The following ATP8B1 variants were observed in gnomAD, a reference collection of about 807,000 sequenced individuals.
ATP8B1 encodes the protein phospholipid-transporting ATPase IC.
ATP8B1 carries 80 observed loss-of-function variants against 149.9 expected under a neutral mutation model. That is an observed-to-expected ratio of 0.53 (90% CI 0.45 to 0.64). The LOEUF is 0.64. Among genes scored for constraint, ATP8B1 ranks in the 30% least tolerant of loss-of-function variants. ATP8B1 has a pLI of 0.00. For synonymous variants in ATP8B1, 536 were observed against 562.8 expected, an observed-to-expected ratio of 0.95 and a Z score of 0.67; for missense variants, 1,247 against 1,552.6, an observed-to-expected ratio of 0.80 and a Z score of 3.31.
chr18:57,707,886 G>A (rs1375468722), intron 2 of ATP8B1, among the ~76,000 whole-genome samples: 2 of 151,660 alleles, frequency 1.3e-5, no homozygotes, highest in Non-Finnish European at 2.9e-5. Context: ...GCCGAGCATG[G>A]TGGCTCATGC....
intron 7 of ATP8B1, 21 bp downstream of exon 7, chr18:57,697,774 A>G: frequency 6.2e-7 from 1 of 1,613,154 alleles, no homozygotes; most frequent in Non-Finnish European, 8.5e-7. Context: ...GGAACAAGAG[A>G]AGCAGAATTT....
chr18:57,695,624 A>C, intron 8 of ATP8B1, 92 bp from the exon 9 acceptor site: 1 of 930,530 alleles, frequency 1.1e-6, no homozygotes, highest in Non-Finnish European at 1.7e-6. Flanking sequence ...CCATACCTGG[A>C]CATGAAGCCT....
chr18:57,749,954 G>A (rs74562772), intron 1 of ATP8B1, among the ~76,000 whole-genome samples: 113 of 152,272 alleles, frequency 7.4e-4, no homozygotes, highest in African/African-American at 2.6e-3. Flanking sequence ...ATAAACTAGG[G>A]GTTTAGTGCC....
chr18:57,678,585 T>A (rs1246958375), intron 15 of ATP8B1, among the ~76,000 whole-genome samples: 1 of 109,360 alleles, frequency 9.1e-6, no homozygotes, highest in African/African-American at 3.1e-5. Flanking sequence ...AGATTCTATC[T>A]CAAAAAAAAA....
intron 15 of ATP8B1, among the ~76,000 whole-genome samples, chr18:57,683,286 T>G (rs563003835): frequency 1.3e-5 from 2 of 152,306 alleles, no homozygotes; most frequent in Non-Finnish European, 2.9e-5. Flanking sequence ...GGGAATGAAG[T>G]GAAGGCAGAC....
At chr18:57,748,129 C>T (rs1034390306) in intron 1 of ATP8B1, among the ~76,000 whole-genome samples, 2 of 152,180 alleles carry the variant, frequency 1.3e-5, no homozygotes, top group East Asian at 3.8e-4. Flanking sequence ...GCTTCTGAAA[C>T]TCCCCATGTT....
At chr18:57,753,931 C>CAAAAAA (rs1218057370) in intron 1 of ATP8B1, among the ~76,000 whole-genome samples, 2 of 70,996 alleles carry the variant, frequency 2.8e-5, no homozygotes, top group African/African-American at 6.0e-5. Flanking sequence ...GACTCTGTCT[C>CAAAAAA]AAAAAAAAAA....
intron 21 of ATP8B1, 99 bp from the exon 22 acceptor site, chr18:57,661,561 A>G (rs1268269742): frequency 2.4e-6 from 3 of 1,276,412 alleles, no homozygotes; most frequent in Non-Finnish European, 3.3e-6. Flanking sequence ...TTTTTGGATT[A>G]TGTCACTGAT....
chr18:57,672,925 T>TAC (rs1911329743), intron 16 of ATP8B1, among the ~76,000 whole-genome samples: 1 of 46,052 alleles, frequency 2.2e-5, no homozygotes, highest in Admixed American at 3.6e-4. Context: ...TATATATATA[T>TAC]ATATATAACA....
At chr18:57,736,453 GTTTTTT>G (rs71171079) in intron 1 of ATP8B1, among the ~76,000 whole-genome samples, 2 of 70,132 alleles carry the variant, frequency 2.9e-5, no homozygotes, top group Non-Finnish European at 5.3e-5. Context: ...AGTTTTACTA[GTTTTTT>G]TTTTTTTTTT....
chr18:57,714,822 A>T (rs972204431), intron 2 of ATP8B1, among the ~76,000 whole-genome samples: 2 of 152,198 alleles, frequency 1.3e-5, no homozygotes, highest in Admixed American at 6.5e-5. Flanking sequence ...CCCAAGAAGG[A>T]TGGGTATAAA....
At position 57,671,138 on chromosome 18, in the gene ATP8B1, A is replaced by G. The variant is rs557979064; in HGVS notation, c.1932+330T>C. 2.6e-5 allele frequency among the ~76,000 whole-genome samples: 4 copies of G among 152,336 alleles called. No homozygotes were observed. In the South Asian group the frequency reaches 8.3e-4, roughly 32 times the overall value. On this transcript the variant is annotated intron_variant, in intron 17 of 27. Transcript: ENST00000648908. Reference sequence around the variant, plus strand: ...GAAGTTAGTGGAGGTCTTGGGGACCACACACATAGTAAGACTACAACCTAG... The same window carrying G: ...GAAGTTAGTGGAGGTCTTGGGGACCGCACACATAGTAAGACTACAACCTAG...
At chr18:57,771,299 C>T (rs2123373635) in intron 1 of ATP8B1, among the ~76,000 whole-genome samples, 1 of 152,316 alleles carries the variant, frequency 6.6e-6, no homozygotes, top group South Asian at 2.1e-4. Flanking sequence ...CAGACTACCT[C>T]CTTTAGAGGA....
intron 24 of ATP8B1, among the ~76,000 whole-genome samples, chr18:57,653,299 T>C (rs1213668427): frequency 6.7e-6 from 1 of 149,718 alleles, no homozygotes; most frequent in African/African-American, 2.5e-5. Flanking sequence ...TTTTTTTTTT[T>C]TTGGAGACAG....
chr18:57,696,599 T>C (rs1912827290), intron 8 of ATP8B1, among the ~76,000 whole-genome samples: 1 of 151,344 alleles, frequency 6.6e-6, no homozygotes, highest in African/African-American at 2.4e-5. Context: ...GCCTGATCTA[T>C]GAAGCAATGA....
chr18:57,783,994 G>T (rs946623388), intron 1 of ATP8B1, among the ~76,000 whole-genome samples: 1 of 152,122 alleles, frequency 6.6e-6, no homozygotes, highest in East Asian at 1.9e-4. Context: ...ACTTGAAAAA[G>T]AAAGAGTGAG....
chr18:57,677,871 C>T (rs962196416), intron 15 of ATP8B1, among the ~76,000 whole-genome samples: 3 of 151,838 alleles, frequency 2.0e-5, no homozygotes, highest in African/African-American at 7.3e-5. Context: ...AGAAAAGGAA[C>T]AAAATAATAA....
chr18:57,713,102 G>A (rs551110455), intron 2 of ATP8B1, among the ~76,000 whole-genome samples: 12 of 152,016 alleles, frequency 7.9e-5, no homozygotes, highest in East Asian at 1.9e-4. Flanking sequence ...GATTCCTTCC[G>A]CTTGAGAAAA....
In ATP8B1 at chr18:57,669,294, A is replaced by T. The variant is rs1194659783; in HGVS notation, c.2097+24T>A. 5 of 1,576,274 alleles carry T rather than the reference A, an allele frequency of 3.2e-6. No homozygotes were observed. The African/African-American group carries it at 5.5e-5, about 17-fold the overall frequency. ...CAATTCTGCTTAGAATATCAAAGAA[A>T]AAGTTATTAAGGCTAAAACTCACAA... On this transcript the variant is annotated intron_variant, in intron 18 of 27. Transcript: ENST00000648908.
Sources: allele counts gnomAD v4.1 joint callset (sites outside exome capture counted in the v4.1 genomes callset), GRCh38; gene constraint gnomAD v4.1.1; transcripts MANE v1.5; gene names NCBI Gene and HGNC (gene_info 2026-07-23, HGNC 2026-07-21).